The following HYAL4 variants were observed in gnomAD, a reference collection of about 807,000 sequenced individuals.
The protein encoded by HYAL4 is hyaluronidase-4.
In HYAL4, 37 loss-of-function variants were observed where a neutral mutation model predicts 35.2. The ratio of observed to expected loss-of-function variants is 1.05; its 90% CI spans 0.81 to 1.38. HYAL4 has a LOEUF of 1.38. Ranked by LOEUF, HYAL4 falls within the 40% of genes most tolerant of loss-of-function variation. The pLI is 0.00. For missense variants in HYAL4, 572 were observed against 572.4 expected, an observed-to-expected ratio of 1.00 and a Z score of 0.01; for synonymous variants, 198 against 203.2, an observed-to-expected ratio of 0.97 and a Z score of 0.22.
intron 3 of HYAL4, among the ~76,000 whole-genome samples, chr7:123,869,550 C>T (rs190153198): frequency 6.6e-6 from 1 of 152,204 alleles, no homozygotes; most frequent in East Asian, 1.9e-4. Flanking sequence ...TTGAAATGAT[C>T]GGCAGTGAGC....
chr7:123,839,806 T>C (rs931031149), intron 1 of HYAL4, among the ~76,000 whole-genome samples: 1 of 147,362 alleles, frequency 6.8e-6, no homozygotes, highest in African/African-American at 2.5e-5. Context: ...TCTGTTCATA[T>C]CCTTTGCCCA....
chr7:123,769,582 G>A, the HYAL4 span, among the ~76,000 whole-genome samples: 1 of 152,108 alleles, frequency 6.6e-6, no homozygotes, highest in Non-Finnish European at 1.5e-5. Context: ...TGCAATTGGA[G>A]CAATACCGAA....
chr7:123,781,487 C>T, the HYAL4 span, among the ~76,000 whole-genome samples: 6 of 144,700 alleles, frequency 4.1e-5, no homozygotes, highest in Non-Finnish European at 9.1e-5. Flanking sequence ...AACGCTGGTT[C>T]CCCGGTTCCC....
intron 2 of HYAL4, among the ~76,000 whole-genome samples, chr7:123,867,148 A>G (rs1806711304): frequency 6.6e-6 from 1 of 152,114 alleles, no homozygotes; most frequent in African/African-American, 2.4e-5. Context: ...GGTTTGGTCT[A>G]GGTCCTGTTG....
chr7:123,792,435 T>G, the HYAL4 span, among the ~76,000 whole-genome samples: 5 of 152,198 alleles, frequency 3.3e-5, no homozygotes, highest in African/African-American at 9.6e-5. Context: ...GGTTCAGTTT[T>G]TCTTCTGTAA....
intron 1 of HYAL4, among the ~76,000 whole-genome samples, chr7:123,832,133 A>G (rs1805893064): frequency 6.6e-6 from 1 of 152,148 alleles, no homozygotes; most frequent in South Asian, 2.1e-4. Context: ...TAAGTTAAAT[A>G]GTGGAACTGG....
the HYAL4 span, among the ~76,000 whole-genome samples, chr7:123,787,273 C>A: frequency 6.6e-6 from 1 of 152,006 alleles, no homozygotes; most frequent in East Asian, 1.9e-4. Context: ...TATAGTTATC[C>A]CATGTTGTCA....
At chr7:123,820,018 C>G in the HYAL4 span, among the ~76,000 whole-genome samples, 60 of 151,498 alleles carry the variant, frequency 4.0e-4, no homozygotes, top group Non-Finnish European at 7.2e-4. Context: ...AGCCTCCTGA[C>G]TAGCTGAGAC....
chr7:123,807,506 C>A, the HYAL4 span, among the ~76,000 whole-genome samples: 1 of 142,632 alleles, frequency 7.0e-6, no homozygotes, highest in Non-Finnish European at 1.5e-5. Context: ...GCAACCTCTG[C>A]CTCAGCTCAC....
chr7:123,846,308 T>C (rs952356087), intron 1 of HYAL4, among the ~76,000 whole-genome samples: 1 of 151,904 alleles, frequency 6.6e-6, no homozygotes, highest in African/African-American at 2.4e-5. Flanking sequence ...CTCCTTGGGT[T>C]GGTCTTGGTG....
chr7:123,817,855 A>G, the HYAL4 span, among the ~76,000 whole-genome samples: 1 of 151,632 alleles, frequency 6.6e-6, no homozygotes, highest in Non-Finnish European at 1.5e-5. Flanking sequence ...GTGTCTTTCC[A>G]GCACTAAATA....
chr7:123,788,223 C>T, the HYAL4 span, among the ~76,000 whole-genome samples: 1 of 152,102 alleles, frequency 6.6e-6, no homozygotes, highest in African/African-American at 2.4e-5. Flanking sequence ...ACTTGGGAAG[C>T]TGAGGTGGGA....
chr7:123,859,910 A>G (rs1806540388), intron 2 of HYAL4, among the ~76,000 whole-genome samples: 1 of 152,194 alleles, frequency 6.6e-6, no homozygotes, highest in South Asian at 2.1e-4. Context: ...GAAGCAAGCA[A>G]TATAACCTTT....
the HYAL4 span, among the ~76,000 whole-genome samples, chr7:123,777,868 A>G: frequency 6.6e-6 from 1 of 151,504 alleles, no homozygotes; most frequent in African/African-American, 2.4e-5. Context: ...CTTGTTTTAT[A>G]CTTCTAAAAT....
intron 2 of HYAL4, among the ~76,000 whole-genome samples, chr7:123,857,133 G>A (rs1007389171): frequency 1.3e-5 from 2 of 152,108 alleles, no homozygotes; most frequent in African/African-American, 4.8e-5. Context: ...CGTGGAGGTG[G>A]GATCCGTTGA....
the HYAL4 span, among the ~76,000 whole-genome samples, chr7:123,780,656 G>A: frequency 6.6e-6 from 1 of 152,106 alleles, no homozygotes; most frequent in African/African-American, 2.4e-5. Context: ...AAGCAAGAGA[G>A]ATCAGATTGT....
the HYAL4 span, among the ~76,000 whole-genome samples, chr7:123,795,983 C>T: frequency 5.9e-5 from 9 of 152,108 alleles, no homozygotes; most frequent in African/African-American, 9.7e-5. Flanking sequence ...TAAGATGCTT[C>T]GTTTAAGAGT....
rs1477906757 is a variant in HYAL4, at chr7:123,876,963, A to G, written c.1254A>G (p.Lys418=). ...EASEDGEFTV[K]GKASDTDLAV... Reference sequence around the variant, plus strand: ...CTGAGGACGGGGAGTTTACTGTGAAAGGAAAAGCATCTGATACAGACCTGG... The same window carrying G: ...CTGAGGACGGGGAGTTTACTGTGAAGGGAAAAGCATCTGATACAGACCTGG... Residue 418 remains lysine (K), a synonymous_variant, in exon 5 of 5, where the codon AAA becomes AAG. Coordinates refer to ENST00000223026, the MANE Select transcript of HYAL4 (RefSeq NM_012269.3). 1.9e-6 allele frequency: 3 copies of G among 1,614,210 alleles called. No individual in the cohort carries two copies. Among genetic ancestry groups the G allele is most frequent in the Non-Finnish European group, 2.5e-6 (3 of 1,180,032 alleles).
chr7:123,865,099 C>T lies in HYAL4; in HGVS notation c.-51-3124C>T, dbSNP rs116219272. ...ACATTCCAAGATAGGAGAAGAGAAT[C>T]ACTTGGTAACTTTGTAATAAATGAA... is the stretch of plus-strand genomic sequence containing the variant. On this transcript the variant is annotated intron_variant, in intron 2 of 4. Transcript: ENST00000223026. Among the ~76,000 whole-genome samples, 482 of 152,054 alleles carry T rather than the reference C, an allele frequency of 3.2e-3. 5 individuals carry two copies. The highest frequency in any genetic ancestry group is 0.011 in the African/African-American group (452 of 41,476).
Sources: allele counts gnomAD v4.1 joint callset (sites outside exome capture counted in the v4.1 genomes callset), GRCh38; gene constraint gnomAD v4.1.1; transcripts MANE v1.5; gene names NCBI Gene and HGNC (gene_info 2026-07-23, HGNC 2026-07-21).